CEMIP: variants seen among roughly 807,000 people sequenced by gnomAD.
The protein encoded by CEMIP is cell migration-inducing and hyaluronan-binding protein.
Under a neutral mutation model 156.9 loss-of-function variants are expected in CEMIP, and 105 were observed. The ratio of observed to expected loss-of-function variants is 0.67; its 90% confidence interval spans 0.57 to 0.79. The LOEUF (loss-of-function observed/expected upper bound fraction) is 0.79. CEMIP is among the 30% of genes least tolerant of loss of function. The probability of loss-of-function intolerance (pLI) is 0.00; values close to 1 mark genes in which losing one functional copy is unlikely to be tolerated. For synonymous variants in CEMIP, 676 were observed against 668.4 expected (o/e 1.01, Z -0.17); for missense variants, 1,457 against 1,769.4 (o/e 0.82, Z 3.17).
intron 12 of CEMIP, among the ~76,000 whole-genome samples, chr15:80,900,398 G>A (rs988340340): frequency 1.3e-5 from 2 of 152,084 alleles, no homozygotes; most frequent in Non-Finnish European, 2.9e-5. Flanking sequence ...CCACCTCAAC[G>A]CCCTCCACTT....
At chr15:80,946,748 G>A in intron 28 of CEMIP, 1 of 578,684 alleles carries the variant, frequency 1.7e-6, no homozygotes, top group South Asian at 1.8e-5. Flanking sequence ...CACCAACTGT[G>A]GCCAGATGTG....
At chr15:80,810,573 T>C (rs1377303541) in intron 1 of CEMIP, among the ~76,000 whole-genome samples, 1 of 152,196 alleles carries the variant, frequency 6.6e-6, no homozygotes, top group African/African-American at 2.4e-5. Flanking sequence ...TTCACCGTGG[T>C]CTTGATCTCC....
At chr15:80,797,611 T>A (rs1328509718) in intron 1 of CEMIP, among the ~76,000 whole-genome samples, 1 of 151,960 alleles carries the variant, frequency 6.6e-6, no homozygotes, top group African/African-American at 2.4e-5. Flanking sequence ...ACAAAAGTTG[T>A]GTGTGTCATT....
chr15:80,833,733 A>G (rs1038761380), intron 1 of CEMIP, among the ~76,000 whole-genome samples: 1 of 146,046 alleles, frequency 6.8e-6, no homozygotes, highest in Non-Finnish European at 1.5e-5. Context: ...CAGTGGCATG[A>G]TCTCTGTTCA....
chr15:80,863,624 A>C (rs1435946071), intron 1 of CEMIP, among the ~76,000 whole-genome samples: 1 of 152,224 alleles, frequency 6.6e-6, no homozygotes, highest in Non-Finnish European at 1.5e-5. Flanking sequence ...AATTAAAACA[A>C]ATTATGCATT....
chr15:80,936,334 T>A lies in CEMIP; in HGVS notation c.3010-340T>A, dbSNP rs912219902. Among the ~76,000 whole-genome samples, 11 of 152,332 alleles carry A rather than the reference T, an allele frequency of 7.2e-5. No individual in the cohort carries two copies. The Middle Eastern group carries it at 0.01, about 141-fold the overall frequency. ...AAAGTTCTCTCTCTCTCTCTCTTAC[T>A]CCCTTCCTCCTCCGTCCACATCTCT... On this transcript the variant is annotated intron_variant, in intron 23 of 29. Coordinates refer to ENST00000394685, the MANE Select transcript of CEMIP (RefSeq NM_001293298.2).
At chr15:80,787,872 T>C (rs1895979769) in intron 1 of CEMIP, among the ~76,000 whole-genome samples, 1 of 152,222 alleles carries the variant, frequency 6.6e-6, no homozygotes, top group Non-Finnish European at 1.5e-5. Context: ...ACAAAAACAC[T>C]GATGCTCAGA....
intron 1 of CEMIP, among the ~76,000 whole-genome samples, chr15:80,815,279 G>C (rs1169400259): frequency 6.6e-6 from 1 of 152,244 alleles, no homozygotes; most frequent in South Asian, 2.1e-4. Flanking sequence ...TGGGTATCCT[G>C]TGGCCTGCCT....
At chr15:80,892,476 T>C (rs1317816719) in intron 10 of CEMIP, among the ~76,000 whole-genome samples, 1 of 152,200 alleles carries the variant, frequency 6.6e-6, no homozygotes, top group Non-Finnish European at 1.5e-5. Context: ...TCAAGGCCAG[T>C]GGGATCTACT....
At position 80,924,775 on chromosome 15, in the gene CEMIP, A is replaced by C. The variant is rs1900597496; in HGVS notation, c.2288+69A>C. Reference sequence around the variant, plus strand: ...TCCAGCTCCTGCCTCCCCCTCCTTCAATCACTCATTCATTCCCTGAGCATC... The same window carrying C: ...TCCAGCTCCTGCCTCCCCCTCCTTCCATCACTCATTCATTCCCTGAGCATC... On this transcript the variant is annotated intron_variant, in intron 18 of 29. Transcript: ENST00000394685. The C allele has an allele frequency of 1.2e-5, 15 of 1,293,136 alleles. No individual in the cohort carries two copies. In the South Asian group the frequency reaches 1.8e-4, roughly 16 times the overall value. The allele number at this position is 1,293,136 out of a possible 1,614,324, so 80.1% of individuals were successfully genotyped here.
chr15:80,792,327 G>A (rs574805943), intron 1 of CEMIP, among the ~76,000 whole-genome samples: 1 of 152,292 alleles, frequency 6.6e-6, no homozygotes, highest in Admixed American at 6.5e-5. Flanking sequence ...CAGTTTGCAT[G>A]CTGTCTACTT....
intron 15 of CEMIP, 46 bp downstream of exon 15, chr15:80,920,345 C>A: frequency 6.6e-7 from 1 of 1,506,762 alleles, no homozygotes; most frequent in Non-Finnish European, 9.2e-7. Context: ...AAGGGGTGTA[C>A]ATGTGTGTGC....
intron 1 of CEMIP, among the ~76,000 whole-genome samples, chr15:80,785,246 T>G (rs1596085840): frequency 6.6e-6 from 1 of 152,362 alleles, no homozygotes; most frequent in African/African-American, 2.4e-5. Context: ...TGAGAATGGA[T>G]GTTTACATTT....
chr15:80,948,287 T>G, intron 29 of CEMIP: 1 of 205,100 alleles, frequency 4.9e-6, no homozygotes, highest in Non-Finnish European at 1.0e-5. Flanking sequence ...GGGTTTAGAG[T>G]TCTAATCTGG....
At chr15:80,827,543 C>T (rs538161008) in intron 1 of CEMIP, among the ~76,000 whole-genome samples, 25 of 151,454 alleles carry the variant, frequency 1.7e-4, no homozygotes, top group African/African-American at 5.8e-4. Context: ...CTCTTGAACC[C>T]GGGAGGTGGA....
chr15:80,888,643 A>G, intron 8 of CEMIP, 58 bp from the exon 9 acceptor site: 1 of 1,493,122 alleles, frequency 6.7e-7, no homozygotes, highest in Non-Finnish European at 9.3e-7. Context: ...CCTTGGAGTC[A>G]CAACTTTTTG....
At chr15:80,815,980 C>A (rs1357243528) in intron 1 of CEMIP, among the ~76,000 whole-genome samples, 5 of 152,156 alleles carry the variant, frequency 3.3e-5, no homozygotes, top group African/African-American at 1.2e-4. Flanking sequence ...ATTACCGGTG[C>A]CCTCTTTCCA....
intron 1 of CEMIP, among the ~76,000 whole-genome samples, chr15:80,830,471 GCTGT>G (rs1029092590): frequency 3.3e-5 from 5 of 152,180 alleles, no homozygotes; most frequent in Admixed American, 3.3e-4. Context: ...ATTTCTCTGA[GCTGT>G]CTGTCTGCCC....
chr15:80,866,873 A>G (rs954517687), intron 1 of CEMIP, among the ~76,000 whole-genome samples: 3 of 151,706 alleles, frequency 2.0e-5, no homozygotes, highest in African/African-American at 7.3e-5. Context: ...GCGTTGCCTC[A>G]ATAGAAACAG....
Sources: allele counts gnomAD v4.1 joint callset (sites outside exome capture counted in the v4.1 genomes callset), GRCh38; gene constraint gnomAD v4.1.1; transcripts MANE v1.5; gene names NCBI Gene and HGNC (gene_info 2026-07-23, HGNC 2026-07-21).